The following MYO5A variants were observed in gnomAD, a reference collection of about 807,000 sequenced individuals.
MYO5A encodes the protein myosin VA.
Under a neutral mutation model 249.7 loss-of-function variants are expected in MYO5A, and 98 were observed. That is an observed-to-expected ratio of 0.39 (90% CI 0.33 to 0.46). The LOEUF (loss-of-function observed/expected upper bound fraction) is 0.46, where lower values mean the gene tolerates loss of function less well. MYO5A is among the 20% of genes least tolerant of loss of function. The pLI, the probability that MYO5A is intolerant of heterozygous loss-of-function variation, is 0.98. For missense variants in MYO5A, 1,696 were observed against 2,308.8 expected (o/e 0.73, Z 5.44); for synonymous variants, 778 against 810.6 (o/e 0.96, Z 0.68).
At chr15:52,519,878 A>C (rs1359182908) in intron 1 of MYO5A, among the ~76,000 whole-genome samples, 1 of 151,790 alleles carries the variant, frequency 6.6e-6, no homozygotes, top group Non-Finnish European at 1.5e-5. Flanking sequence ...TTACAGGCAC[A>C]CGCCACCACG....
At chr15:52,421,635 C>A (rs981705572) in intron 4 of MYO5A, among the ~76,000 whole-genome samples, 16 of 152,282 alleles carry the variant, frequency 1.1e-4, no homozygotes, top group East Asian at 1.9e-4. Flanking sequence ...GGAAAGTCTA[C>A]ACAATGCTTC....
rs1175899250 is a variant in MYO5A, at chr15:52,528,762, G to A, written c.27+18C>T. 2 of 1,503,562 alleles carry A rather than the reference G, an allele frequency of 1.3e-6. No individual in the cohort carries two copies. Among genetic ancestry groups the A allele is most frequent in the Non-Finnish European group, 1.8e-6 (2 of 1,133,236 alleles). 93.1% of individuals were successfully genotyped at this position (1,503,562 alleles called of 1,614,324 possible). On this transcript the variant is annotated intron_variant, in intron 1 of 41. Transcript: ENST00000399233. ...CCGCACAGCCCCAGTCCTCGACGCC[G>A]GCCGCGGGGTGCCTTACCTTTGTGT...
intron 1 of MYO5A, among the ~76,000 whole-genome samples, chr15:52,445,189 G>A (rs893263329): frequency 2.0e-5 from 3 of 152,150 alleles, no homozygotes; most frequent in Non-Finnish European, 4.4e-5. Flanking sequence ...ATCCCTCATG[G>A]CTTGCTACTG....
At chr15:52,314,324 G>A (rs1386674726) in intron 40 of MYO5A, 121 bp from the exon 41 acceptor site, 7 of 733,732 alleles carry the variant, frequency 9.5e-6, no homozygotes, top group African/African-American at 1.7e-5. Flanking sequence ...GGGGTGGGCT[G>A]GGACCAGAAG....
At chr15:52,322,368 C>T (rs924479396) in intron 37 of MYO5A, among the ~76,000 whole-genome samples, 2 of 152,224 alleles carry the variant, frequency 1.3e-5, no homozygotes. Context: ...GGCACCTTCT[C>T]TGCTGCCCTC....
At chr15:52,344,161 A>T (rs186587046) in intron 30 of MYO5A, among the ~76,000 whole-genome samples, 32 of 152,266 alleles carry the variant, frequency 2.1e-4, no homozygotes, top group African/African-American at 7.2e-4. Flanking sequence ...TCTACTTTAC[A>T]TCTAGAGAGT....
chr15:52,514,401 G>T (rs1170920072), intron 1 of MYO5A, among the ~76,000 whole-genome samples: 3 of 152,198 alleles, frequency 2.0e-5, no homozygotes, highest in Non-Finnish European at 4.4e-5. Flanking sequence ...GCAGTAAAGG[G>T]TTAGGACAGA....
rs1202709938 is a variant in MYO5A, at chr15:52,506,388, G to A, written c.27+22392C>T. ...ATAATAAAATGAAAATTAGCTGGGC[G>A]TGGTGGCACACACCTGTAATCCCAG... On this transcript the variant is annotated intron_variant, in intron 1 of 41. Transcript: ENST00000399233. Among the ~76,000 whole-genome samples the A allele has an allele frequency of 3.9e-5, 6 of 151,960 alleles. No homozygotes were observed. The East Asian group carries it at 5.8e-4, about 15-fold the overall frequency.
chr15:52,458,746 AC>A (rs2076170828), intron 1 of MYO5A, among the ~76,000 whole-genome samples: 1 of 141,266 alleles, frequency 7.1e-6, no homozygotes, highest in African/African-American at 2.5e-5. Flanking sequence ...ACAAATACAT[AC>A]AAATATAAAT....
At position 52,313,692 on chromosome 15, in the gene MYO5A, A is replaced by G. The variant is rs2037856634; in HGVS notation, c.*4T>C. 6.2e-7 allele frequency: 1 copy of G among 1,614,030 alleles called. No homozygotes were observed. Among genetic ancestry groups the G allele is most frequent in the African/African-American group, 1.3e-5 (1 of 74,926 alleles). On this transcript the variant is annotated 3_prime_UTR_variant, in exon 42 of 42. Transcript: ENST00000399233. The stretch of plus-strand genomic sequence containing the variant: ...TATTGTCAATTTTTGCCTGGACATC[A>G]CTTTCAGACCCGTGAAATGAAGCCC...
chr15:52,391,899 TA>T (rs766695758), intron 12 of MYO5A, 30 bp downstream of exon 12: 2 of 1,606,826 alleles, frequency 1.2e-6, no homozygotes, highest in African/African-American at 1.3e-5. Flanking sequence ...TCTATTTTGA[TA>T]AACCAAGTAC....
intron 4 of MYO5A, among the ~76,000 whole-genome samples, chr15:52,419,612 C>A (rs958233942): frequency 6.6e-6 from 1 of 152,252 alleles, no homozygotes; most frequent in East Asian, 1.9e-4. Flanking sequence ...TGGTTGCTGG[C>A]ACTGTTGAAC....
chr15:52,469,999 T>G (rs1156847317), intron 1 of MYO5A, among the ~76,000 whole-genome samples: 1 of 152,230 alleles, frequency 6.6e-6, no homozygotes, highest in African/African-American at 2.4e-5. Context: ...TTGGCACTGT[T>G]GTAAATCCTA....
chr15:52,468,204 A>G (rs2076389648), intron 1 of MYO5A, among the ~76,000 whole-genome samples: 1 of 152,072 alleles, frequency 6.6e-6, no homozygotes, highest in South Asian at 2.1e-4. Context: ...TGTCCCAACT[A>G]TTCGGGAGGA....
intron 34 of MYO5A, among the ~76,000 whole-genome samples, chr15:52,333,729 C>T (rs2038992040): frequency 6.6e-6 from 1 of 152,012 alleles, no homozygotes; most frequent in South Asian, 2.1e-4. Flanking sequence ...AAAAAGCCTC[C>T]TTAATTAAAT....
At chr15:52,430,333 T>C (rs1437475589) in intron 2 of MYO5A, among the ~76,000 whole-genome samples, 1 of 152,144 alleles carries the variant, frequency 6.6e-6, no homozygotes, top group Non-Finnish European at 1.5e-5. Context: ...GTGGGGTTGT[T>C]TGTGGCTAGT....
chr15:52,409,865 C>T (rs542310437), intron 6 of MYO5A, among the ~76,000 whole-genome samples: 17 of 152,056 alleles, frequency 1.1e-4, no homozygotes, highest in African/African-American at 4.1e-4. Context: ...GATAGTAGTT[C>T]ACAATTGGGT....
chr15:52,418,340 C>T (rs534997082), intron 4 of MYO5A, among the ~76,000 whole-genome samples: 18 of 152,210 alleles, frequency 1.2e-4, no homozygotes, highest in South Asian at 8.3e-4. Context: ...CTGCTTCATT[C>T]GTTCATTTAA....
chr15:52,508,769 C>A lies in MYO5A; in HGVS notation c.27+20011G>T, dbSNP rs1429327515. Among the ~76,000 whole-genome samples, 3 of 152,068 alleles carry A rather than the reference C, an allele frequency of 2.0e-5. No homozygotes were observed. The South Asian group carries it at 6.2e-4, about 31-fold the overall frequency. ...TTTTTATGCTTCCCTTTTTCTTTTA[C>A]TGTCTTTTTCTTTACCTCTTTATTA... On this transcript the variant is annotated intron_variant, in intron 1 of 41. Transcript: ENST00000399233.
Sources: allele counts gnomAD v4.1 joint callset (sites outside exome capture counted in the v4.1 genomes callset), GRCh38; gene constraint gnomAD v4.1.1; transcripts MANE v1.5; gene names NCBI Gene and HGNC (gene_info 2026-07-23, HGNC 2026-07-21).